ENO4: variants seen among roughly 807,000 people sequenced by gnomAD.
ENO4 encodes 2-phospho-D-glycerate hydro-lyase.
A neutral mutation model predicts 63.2 loss-of-function variants in ENO4; 53 were observed. The observed-to-expected ratio is 0.84, with a 90% CI of 0.67 to 1.05. The LOEUF (loss-of-function observed/expected upper bound fraction) is 1.05, where lower values mean the gene tolerates loss of function less well. ENO4 is among the 50% of genes least tolerant of loss of function. The probability of loss-of-function intolerance (pLI) is 0.00; values close to 1 mark genes in which losing one functional copy is unlikely to be tolerated. For synonymous variants in ENO4, 266 were observed against 283.8 expected (o/e 0.94, Z 0.63); for missense variants, 719 against 772.0 (o/e 0.93, Z 0.81).
At chr10:116,879,721 G>C (rs1846944422) in intron 12 of ENO4, 148 bp from the exon 13 acceptor site, 1 of 652,918 alleles carries the variant, frequency 1.5e-6, no homozygotes, top group East Asian at 2.8e-5. Flanking sequence ...TCAGCTTGTA[G>C]GCCACTGTGC....
Position 116,859,073 on chromosome 10 carries a change from C to T in ENO4, c.569C>T (p.Pro190Leu). The change falls in exon 4 of 14, where the codon CCT becomes CTT. Residue 190 changes from proline to leucine, a missense_variant. By Grantham distance (98) the Pro-to-Leu change is moderately conservative. Coordinates refer to ENST00000341276, the MANE Select transcript of ENO4 (RefSeq NM_001242699.2). Reference sequence around the variant, plus strand: ...CTGGAATACTCAACAGTGCCTACACCTCTACCTCCAGTACCACCACCACCA... The same window carrying T: ...CTGGAATACTCAACAGTGCCTACACTTCTACCTCCAGTACCACCACCACCA... ...KSLEYSTVPT[P>L]LPPVPPPPPP... 1 of 1,535,384 alleles carries T rather than the reference C, an allele frequency of 6.5e-7. No individual in the cohort carries two copies. The highest frequency in any genetic ancestry group is 2.0e-5 in the Admixed American group (1 of 50,966).
chr10:116,870,166 G>T (rs1002790217), intron 8 of ENO4, among the ~76,000 whole-genome samples: 6 of 152,128 alleles, frequency 3.9e-5, no homozygotes, highest in African/African-American at 1.4e-4. Flanking sequence ...GTTTGTCATT[G>T]AGTTTGGTGC....
chr10:116,858,624 C>T (rs1459841468), intron 3 of ENO4, among the ~76,000 whole-genome samples: 2 of 152,114 alleles, frequency 1.3e-5, no homozygotes, highest in Non-Finnish European at 2.9e-5. Context: ...ATATTTCACT[C>T]TATTCTTGAC....
intron 3 of ENO4, among the ~76,000 whole-genome samples, chr10:116,857,384 T>C (rs1160368697): frequency 2.6e-5 from 4 of 152,174 alleles, no homozygotes; most frequent in Admixed American, 2.6e-4. Flanking sequence ...CAGCCACAAC[T>C]AAGTCTCCCA....
chr10:116,874,759 G>A (rs1030921115), intron 10 of ENO4, among the ~76,000 whole-genome samples: 9 of 152,042 alleles, frequency 5.9e-5, no homozygotes, highest in Non-Finnish European at 8.8e-5. Context: ...TGCAACCTCT[G>A]CCTCCTGGGC....
Position 116,911,683 on chromosome 10 carries a change from G to A in ENO4, c.*111G>A. The A allele has an allele frequency of 4.4e-6, 7 of 1,580,176 alleles. No individual in the cohort carries two copies. In the South Asian group the frequency reaches 5.6e-5, roughly 13 times the overall value. ...AAACTGGCCAAAGATGAGGCTAATT[G>A]TAAATGGGAATAAAACACACCACAA... On this transcript the variant is annotated 3_prime_UTR_variant, in exon 11 of 11. Coordinates refer to the ENO4 transcript ENST00000369207.
chr10:116,861,552 C>G (rs1846415985), intron 6 of ENO4, among the ~76,000 whole-genome samples: 1 of 152,138 alleles, frequency 6.6e-6, no homozygotes, highest in African/African-American at 2.4e-5. Context: ...TCCTAGCAGC[C>G]CACTCTGTTA....
chr10:116,894,036 A>G (rs1007605946), intron 10 of ENO4, among the ~76,000 whole-genome samples: 1 of 152,028 alleles, frequency 6.6e-6, no homozygotes, highest in Non-Finnish European at 1.5e-5. Context: ...AGGTCAAACA[A>G]TGATAAAAAT....
intron 11 of ENO4, among the ~76,000 whole-genome samples, chr10:116,878,791 T>C (rs1846911338): frequency 7.3e-6 from 1 of 136,794 alleles, no homozygotes; most frequent in Non-Finnish European, 1.5e-5. Flanking sequence ...CGCCCAGAGC[T>C]GGAGTGCAGT....
intron 7 of ENO4, among the ~76,000 whole-genome samples, chr10:116,866,143 A>G (rs7896612): frequency 0.32 from 49,112 of 152,050 alleles, 8,374 homozygotes; most frequent in African/African-American, 0.43. Context: ...AAACACTTTT[A>G]TAGTTTCAAA....
At chr10:116,886,015 T>C (rs1847151623), downstream of ENO4, 1 of 254,366 alleles carries the variant, frequency 3.9e-6, no homozygotes, top group Non-Finnish European at 7.5e-6. Context: ...AGCATTCCAT[T>C]TGATGAGTGG....
At chr10:116,861,283 G>T in intron 6 of ENO4, 93 bp downstream of exon 6, 1 of 374,560 alleles carries the variant, frequency 2.7e-6, no homozygotes, top group East Asian at 7.6e-5. Context: ...ACTTTTAGTG[G>T]GGAATTAAGG....
In ENO4 at chr10:116,855,711, T is replaced by C; in HGVS notation, c.254T>C (p.Leu85Pro). Residue 85 changes from leucine to proline, a missense_variant, in exon 2 of 14, where the codon CTG (leucine) becomes CCG (proline). Physicochemically the swap from Leu to Pro is moderately conservative, Grantham distance 98. Transcript: ENST00000341276. ...CTAGATGGACTGGGGCTTCCAACCC[T>C]GCAAGTGGACATATTCTGCACCATT... is the stretch of plus-strand genomic sequence containing the variant. ...DVLDGLGLPT[L>P]QVDIFCTIQN... 3.3e-6 allele frequency: 5 copies of C among 1,536,634 alleles called. No homozygotes were observed. Among genetic ancestry groups the C allele is most frequent in the Non-Finnish European group, 4.4e-6 (5 of 1,147,032 alleles).
At chr10:116,862,627 A>G (rs138622391) in intron 6 of ENO4, among the ~76,000 whole-genome samples, 172 bp from the exon 7 acceptor site, 46 of 152,290 alleles carry the variant, frequency 3.0e-4, no homozygotes, top group Non-Finnish European at 3.7e-4. Flanking sequence ...ATTCAACCCA[A>G]TGAAAACTGG....
chr10:116,868,685 C>G lies in ENO4; in HGVS notation c.1026C>G (p.His342Gln). 6.4e-7 allele frequency: 1 copy of G among 1,550,406 alleles called. No individual in the cohort carries two copies. Among genetic ancestry groups the G allele is most frequent in the Non-Finnish European group, 8.7e-7 (1 of 1,146,912 alleles). ...CAAAAGCAGAGACAAAAAAAGGGCA[C>G]GATGGAAGCAAAAGAGGTCAAGTAA... ...SPPKAETKKGHDGSKRGQQQI... is the reference protein window; with the variant it reads ...SPPKAETKKGQDGSKRGQQQI... The change falls in exon 8 of 14, where the codon CAC becomes CAG. Residue 342 changes from histidine (H) to glutamine (Q), a missense_variant. Transcript: ENST00000341276.
chr10:116,877,715 C>A (rs1202811476), intron 11 of ENO4, among the ~76,000 whole-genome samples: 5 of 152,160 alleles, frequency 3.3e-5, no homozygotes, highest in Non-Finnish European at 7.3e-5. Flanking sequence ...AAAAGCGGGG[C>A]TCCAGTGCTG....
At chr10:116,894,795 A>G (rs1847456573) in intron 10 of ENO4, among the ~76,000 whole-genome samples, 1 of 152,214 alleles carries the variant, frequency 6.6e-6, no homozygotes, top group African/African-American at 2.4e-5. Flanking sequence ...TATGGATGAA[A>G]AAGCTCAATT....
At chr10:116,873,369 A>G (rs550958667) in intron 9 of ENO4, among the ~76,000 whole-genome samples, 2 of 152,136 alleles carry the variant, frequency 1.3e-5, no homozygotes, top group Non-Finnish European at 2.9e-5. Flanking sequence ...TATCCCAGGT[A>G]CCATCCCTGA....
intron 10 of ENO4, chr10:116,901,088 CCTTTT>C (rs1847714741): frequency 2.1e-5 from 21 of 985,362 alleles, no homozygotes; most frequent in Non-Finnish European, 2.5e-5. Context: ...CTCACCTCTT[CCTTTT>C]CTTTAAGTGA....
Sources: allele counts gnomAD v4.1 joint callset (sites outside exome capture counted in the v4.1 genomes callset), GRCh38; gene constraint gnomAD v4.1.1; transcripts MANE v1.5; gene names NCBI Gene and HGNC (gene_info 2026-07-23, HGNC 2026-07-21).